MCHR2: variants seen among roughly 807,000 people sequenced by gnomAD.
MCHR2 encodes melanin concentrating hormone receptor 2.
Under a neutral mutation model 24.8 loss-of-function variants are expected in MCHR2, and 15 were observed. The ratio of observed to expected loss-of-function variants is 0.60; its 90% CI spans 0.40 to 0.93. The LOEUF is 0.93. Ranked by LOEUF, MCHR2 falls within the 40% of genes least tolerant of loss-of-function variation. The pLI is 0.00. For missense variants in MCHR2, 386 were observed against 408.7 expected (o/e 0.94, Z 0.48); for synonymous variants, 151 against 147.6 (o/e 1.02, Z -0.17).
At position 99,920,146 on chromosome 6, in the gene MCHR2, A is replaced by T. The variant is rs1774193805; in HGVS notation, c.*794T>A. ...GATAATCCAAAATGATGCTTAAAACATCAACTCATTTCTATCAGACTTTAG... is the reference window on the plus strand; with the variant it reads ...GATAATCCAAAATGATGCTTAAAACTTCAACTCATTTCTATCAGACTTTAG... On this transcript the variant is annotated 3_prime_UTR_variant, in exon 6 of 6. Transcript: ENST00000281806. 1 of 152,236 alleles carries T rather than the reference A, an allele frequency of 6.6e-6. No homozygotes were observed. 9.4% of individuals were successfully genotyped at this position (152,236 alleles called of 1,614,324 possible). A position where few individuals can be genotyped will look rare whatever the true frequency, so the allele number is the denominator to read the frequency against.
chr6:99,973,601 T>C (rs1009310787), intron 1 of MCHR2, among the ~76,000 whole-genome samples: 1 of 152,224 alleles, frequency 6.6e-6, no homozygotes, highest in African/African-American at 2.4e-5. Flanking sequence ...TTTGATCCTG[T>C]CATTATGTTA....
chr6:99,932,465 CA>C (rs1175992635), intron 5 of MCHR2, among the ~76,000 whole-genome samples: 1 of 152,054 alleles, frequency 6.6e-6, no homozygotes, highest in South Asian at 2.1e-4. Flanking sequence ...GACTCATTTC[CA>C]AAGAACAGAA....
intron 2 of MCHR2, among the ~76,000 whole-genome samples, chr6:99,953,996 T>G (rs1320404565): frequency 6.6e-6 from 1 of 152,064 alleles, no homozygotes; most frequent in African/African-American, 2.4e-5. Context: ...CCTGGGGAAG[T>G]GACAAGTTAC....
chr6:99,961,243 T>C (rs1775179702), intron 1 of MCHR2, among the ~76,000 whole-genome samples: 1 of 152,076 alleles, frequency 6.6e-6, no homozygotes, highest in African/African-American at 2.4e-5. Flanking sequence ...TTAGGAATGC[T>C]CTTACACTGT....
intron 3 of MCHR2, 74 bp from the exon 4 acceptor site, chr6:99,943,217 T>A (rs1774810731): frequency 2.4e-6 from 3 of 1,227,760 alleles, no homozygotes; most frequent in Non-Finnish European, 2.2e-6. Flanking sequence ...AGGTTCATGA[T>A]GAGAGTAAAT....
In MCHR2 at chr6:99,947,827, G is replaced by A; in HGVS notation, c.327C>T (p.Ile109=). Residue 109 remains isoleucine, a synonymous_variant, in exon 3 of 6, where the codon ATC becomes ATT. Coordinates refer to ENST00000281806, the MANE Select transcript of MCHR2 (RefSeq NM_001040179.2). ...WVFGGPLCTI[I]TSLDTCNQFA... is the part of the protein sequence containing the mutation. ...ATTGGTTACAAGTATCCAGGGATGT[G>A]ATGATGGTGCAGAGAGGCCCCCCAA... 1.2e-6 allele frequency: 2 copies of A among 1,613,852 alleles called. No homozygotes were observed. The highest frequency in any genetic ancestry group is 1.7e-4 in the Middle Eastern group (1 of 6,054).
rs528338821 is a variant in MCHR2 at position 99,977,728 on chromosome 6, A to T, written c.-28+16208T>A. On this transcript the variant is annotated intron_variant, in intron 1 of 5. Coordinates refer to ENST00000281806, the MANE Select transcript of MCHR2 (RefSeq NM_001040179.2). Reference sequence around the variant, plus strand: ...CCTAGTGGATAAGTCGGTTCCACTTATTCTTATCCTTTAAAAAAAAGGTAG... The same window carrying T: ...CCTAGTGGATAAGTCGGTTCCACTTTTTCTTATCCTTTAAAAAAAAGGTAG... Among the ~76,000 whole-genome samples, 4 of 152,168 alleles carry T rather than the reference A, an allele frequency of 2.6e-5. No homozygotes were observed. The South Asian group carries it at 6.2e-4, about 24-fold the overall frequency.
At chr6:99,926,320 C>A (rs1344628967) in intron 5 of MCHR2, among the ~76,000 whole-genome samples, 2 of 152,104 alleles carry the variant, frequency 1.3e-5, no homozygotes, top group African/African-American at 4.8e-5. Flanking sequence ...TTTATAGCAG[C>A]ATGATTTATA....
intron 4 of MCHR2, among the ~76,000 whole-genome samples, chr6:99,937,097 A>C (rs776808407): frequency 6.6e-6 from 1 of 151,880 alleles, no homozygotes; most frequent in Non-Finnish European, 1.5e-5. Context: ...TATCAGTTTT[A>C]ATAGTTTTTT....
chr6:99,943,128 G>A lies in MCHR2; in HGVS notation c.408C>T (p.Val136=). The A allele has an allele frequency of 6.2e-7, 1 of 1,609,438 alleles. No individual in the cohort carries two copies. Among genetic ancestry groups the A allele is most frequent in the Non-Finnish European group, 8.5e-7 (1 of 1,177,198 alleles). Reference sequence around the variant, plus strand: ...TCCAACGTGTCAGTCGAAATGGTTGGACGAGGGCAAAGTACCTGCAAAGGC... The same window carrying A: ...TCCAACGTGTCAGTCGAAATGGTTGAACGAGGGCAAAGTACCTGCAAAGGC... The part of the protein sequence containing the change: ...VMSVDRYFAL[V]QPFRLTRWRT... Residue 136 remains valine (V), a synonymous_variant, in exon 4 of 6, where the codon GTC becomes GTT. Transcript: ENST00000281806.
chr6:99,949,341 G>T (rs1469548531), intron 2 of MCHR2, among the ~76,000 whole-genome samples: 2 of 152,100 alleles, frequency 1.3e-5, no homozygotes, highest in Admixed American at 6.6e-5. Context: ...CAAAGAAGGG[G>T]CCCCCTCCTC....
At chr6:99,972,093 A>C (rs999096323) in intron 1 of MCHR2, among the ~76,000 whole-genome samples, 1 of 152,180 alleles carries the variant, frequency 6.6e-6, no homozygotes, top group African/African-American at 2.4e-5. Context: ...ATTAGGGAGG[A>C]TTCCCTCTTT....
At chr6:99,948,464 A>G (rs1774914391) in intron 2 of MCHR2, among the ~76,000 whole-genome samples, 1 of 152,132 alleles carries the variant, frequency 6.6e-6, no homozygotes, top group African/African-American at 2.4e-5. Flanking sequence ...CTTTCCAGGT[A>G]TGGGAATAAG....
At chr6:99,982,129 C>T (rs1775680244) in intron 1 of MCHR2, among the ~76,000 whole-genome samples, 1 of 152,048 alleles carries the variant, frequency 6.6e-6, no homozygotes, top group African/African-American at 2.4e-5. Flanking sequence ...GGTTTTCCTC[C>T]TCACAGCTTC....
intron 1 of MCHR2, among the ~76,000 whole-genome samples, chr6:99,964,869 T>A (rs1162262598): frequency 6.6e-6 from 1 of 152,044 alleles, no homozygotes; most frequent in Non-Finnish European, 1.5e-5. Flanking sequence ...TCTAAAATCA[T>A]AAGGAAGGGC....
rs576442917 is a variant in MCHR2, at chr6:99,970,707, A to C, written c.-27-14533T>G. ...TTTATGGTTTTAGGTCTAACATGTA[A>C]GTCTTTGATCCATCTTGAATTAATT... On this transcript the variant is annotated intron_variant, in intron 1 of 5. Transcript: ENST00000281806. Among the ~76,000 whole-genome samples, 2 of 152,276 alleles carry C rather than the reference A, an allele frequency of 1.3e-5. 1 individual carries two copies. Among genetic ancestry groups the C allele is most frequent in the South Asian group, 4.1e-4 (2 of 4,826 alleles).
At chr6:99,938,197 T>C (rs978366883) in intron 4 of MCHR2, among the ~76,000 whole-genome samples, 62 of 152,096 alleles carry the variant, frequency 4.1e-4, no homozygotes, top group African/African-American at 1.3e-3. Flanking sequence ...TCAATTTTAT[T>C]TATTTCTGCT....
chr6:99,964,061 A>G (rs957194674), intron 1 of MCHR2, among the ~76,000 whole-genome samples: 1 of 152,158 alleles, frequency 6.6e-6, no homozygotes, highest in Non-Finnish European at 1.5e-5. Flanking sequence ...GGAAAAGGCT[A>G]ATTAAAAGCA....
chr6:99,982,467 G>GAAAAAAGAAA (rs1324167679), intron 1 of MCHR2, among the ~76,000 whole-genome samples: 3 of 46,634 alleles, frequency 6.4e-5, no homozygotes, highest in African/African-American at 2.7e-4. Context: ...TGTCTGTACA[G>GAAAAAAGAAA]AAAAAAAAAA....
Sources: gnomAD v4.1 joint callset for allele counts (sites outside exome capture counted in the v4.1 genomes callset) on GRCh38, gnomAD v4.1.1 for gene constraint, MANE v1.5 for transcripts, NCBI Gene and HGNC (gene_info 2026-07-23, HGNC 2026-07-21) for gene names.